JPT1: variants seen among roughly 807,000 people sequenced by gnomAD.
The protein encoded by JPT1 is Jupiter microtubule associated homolog 1, also known as androgen-regulated protein 2.
A neutral mutation model predicts 17.0 loss-of-function variants in JPT1; 5 were observed. That is an observed-to-expected ratio of 0.29 (90% CI 0.15 to 0.62). The LOEUF (loss-of-function observed/expected upper bound fraction) is 0.62. Ranked by LOEUF, JPT1 falls within the 20% of genes least tolerant of loss-of-function variation. The pLI, the probability that JPT1 is intolerant of heterozygous loss-of-function variation, is 0.85. For missense variants in JPT1, 158 were observed against 188.1 expected (o/e 0.84, Z 0.94); for synonymous variants, 71 against 73.6 (o/e 0.96, Z 0.18).
intron 1 of JPT1, among the ~76,000 whole-genome samples, chr17:75,150,757 C>A (rs1209833191): frequency 1.3e-5 from 2 of 151,282 alleles, no homozygotes; most frequent in East Asian, 3.9e-4. Flanking sequence ...GAAAGACTTT[C>A]TAACTACTGA....
chr17:75,142,777 T>A (rs2074351398), intron 4 of JPT1: 1 of 456,128 alleles, frequency 2.2e-6, no homozygotes, highest in African/African-American at 2.0e-5. Context: ...CAGAAGTCTT[T>A]CCAGAACAGT....
Position 75,146,655 on chromosome 17 carries a change from G to A in JPT1, c.316+11C>T. On this transcript the variant is annotated intron_variant, in intron 4 of 4. Transcript: ENST00000409753. ...GACAGAGCCAGAAATTTGGTCTTCA[G>A]AAGTACTTACCATGAATATCACCTT... 6.5e-7 allele frequency: 1 copy of A among 1,536,078 alleles called. No individual in the cohort carries two copies. The highest frequency in any genetic ancestry group is 2.0e-5 in the Admixed American group (1 of 51,126).
intron 1 of JPT1, among the ~76,000 whole-genome samples, chr17:75,150,483 C>T (rs1282351305): frequency 1.3e-5 from 2 of 152,114 alleles, no homozygotes; most frequent in Non-Finnish European, 2.9e-5. Flanking sequence ...GAACTCCTGA[C>T]CTCAGGTGAT....
In JPT1 at chr17:75,136,131, C is replaced by T; in HGVS notation, c.436G>A (p.Gly146Ser). 1 of 1,614,212 alleles carries T rather than the reference C, an allele frequency of 6.2e-7. No individual in the cohort carries two copies. Among genetic ancestry groups the T allele is most frequent in the Non-Finnish European group, 8.5e-7 (1 of 1,180,040 alleles). The change falls in exon 5 of 5, where the codon GGC becomes AGC. Residue 146 changes from glycine to serine, a missense_variant. Physicochemically the swap from Gly to Ser is moderately conservative, Grantham distance 56. Coordinates refer to ENST00000409753, the MANE Select transcript of JPT1 (RefSeq NM_016185.4). ...APVPSRRNPP[G>S]GKSSLVLG ...CCCAAGACGAGGCTGGACTTGCCGC[C>T]AGGGGGATTTCTTCTGGATGGCACT...
At position 75,147,629 on chromosome 17, in the gene JPT1, T is replaced by C. The variant is rs1305800662; in HGVS notation, c.224A>G (p.Glu75Gly). ...SAGAKSSGGR[E>G]DLESSGLQRR... is the part of the protein sequence containing the mutation. ...CTGCAGTCCAGATGACTCCAAGTCT[T>C]CCCTGCCACCACTAGACTTGGCACC... The change falls in exon 3 of 5, where the codon GAA becomes GGA. Residue 75 changes from glutamate to glycine, a missense_variant. Physicochemically the swap from Glu to Gly is moderately conservative, Grantham distance 98. Coordinates refer to ENST00000409753, the MANE Select transcript of JPT1 (RefSeq NM_016185.4). 6.2e-7 allele frequency: 1 copy of C among 1,613,732 alleles called. No individual in the cohort carries two copies. The highest frequency in any genetic ancestry group is 8.5e-7 in the Non-Finnish European group (1 of 1,179,666).
At chr17:75,149,174 G>A in intron 1 of JPT1, 3 of 518,868 alleles carry the variant, frequency 5.8e-6, no homozygotes, top group East Asian at 7.0e-5. Flanking sequence ...AACATGGCAA[G>A]ACCCCGTGTC....
chr17:75,152,666 A>G lies in JPT1; in HGVS notation c.56+1676T>C, dbSNP rs554703045. Among the ~76,000 whole-genome samples the G allele has an allele frequency of 3.3e-5, 5 of 152,276 alleles. No homozygotes were observed. In the East Asian group the frequency reaches 9.6e-4, roughly 29 times the overall value. On this transcript the variant is annotated intron_variant, in intron 1 of 4. Coordinates refer to ENST00000409753, the MANE Select transcript of JPT1 (RefSeq NM_016185.4). ...AATTCTTTACAAAACACTAATATCA[A>G]CTCAACCCCAAAGAATAAAACCCCA...
At chr17:75,147,040 TATGGAAGGAC>T (rs1244093455) in intron 3 of JPT1, among the ~76,000 whole-genome samples, 1 of 152,206 alleles carries the variant, frequency 6.6e-6, no homozygotes, top group African/African-American at 2.4e-5. Context: ...AGATAATAGT[TATGGAAGGAC>T]CCCTATCAGT....
At chr17:75,151,577 G>A (rs927045251) in intron 1 of JPT1, among the ~76,000 whole-genome samples, 2 of 151,860 alleles carry the variant, frequency 1.3e-5, no homozygotes, top group Non-Finnish European at 2.9e-5. Context: ...CAGAAGAATC[G>A]CTTGAACCCG....
chr17:75,152,802 C>G (rs2074574758), intron 1 of JPT1: 1 of 152,192 alleles, frequency 6.6e-6, no homozygotes, highest in Non-Finnish European at 1.5e-5. Context: ...AAGAAATCAT[C>G]TCATTGGAAA....
chr17:75,150,248 T>C (rs890893453), intron 1 of JPT1, among the ~76,000 whole-genome samples: 3 of 152,084 alleles, frequency 2.0e-5, no homozygotes, highest in Admixed American at 2.0e-4. Flanking sequence ...GAAATACTTT[T>C]TTTTCTTTTC....
rs372869153 is a variant in JPT1 at position 75,148,682 on chromosome 17, T to A, written c.57-11A>T. 2.5e-6 allele frequency: 4 copies of A among 1,613,308 alleles called. No individual in the cohort carries two copies. The African/African-American group carries it at 4.0e-5, about 16-fold the overall frequency. On this transcript the variant is annotated splice_polypyrimidine_tract_variant and intron_variant, in intron 1 of 4. Coordinates refer to ENST00000409753, the MANE Select transcript of JPT1 (RefSeq NM_016185.4). The stretch of plus-strand genomic sequence containing the variant: ...GGAGGCCGCAAAACTCTGCAAATAA[T>A]GGCAAAACATCAACTTCAGATCATA...
Position 75,154,491 on chromosome 17 carries a change from C to A in JPT1, c.-94G>T, listed in dbSNP as rs533609584. ...GGAAACTCCACACCCAACAGCCGAC[C>A]ACCGCTGCAGGAGCCGCCGCTGCCG... On this transcript the variant is annotated 5_prime_UTR_variant, in exon 1 of 5. Transcript: ENST00000409753. 3.2e-6 allele frequency: 4 copies of A among 1,230,786 alleles called. No individual in the cohort carries two copies. The Admixed American group carries it at 6.6e-5, about 20-fold the overall frequency. The allele number at this position is 1,230,786 out of a possible 1,614,324, so 76.2% of individuals were successfully genotyped here.
At chr17:75,137,544 T>A (rs1326162117) in intron 4 of JPT1, among the ~76,000 whole-genome samples, 4 of 150,810 alleles carry the variant, frequency 2.7e-5, no homozygotes, top group Admixed American at 1.3e-4. Flanking sequence ...TTTTTTTTTT[T>A]ATTTTTAAAA....
intron 4 of JPT1, among the ~76,000 whole-genome samples, chr17:75,140,885 T>C (rs2074295575): frequency 6.6e-6 from 1 of 151,674 alleles, no homozygotes; most frequent in African/African-American, 2.4e-5. Context: ...AGGTAAGGAG[T>C]TCGAGACCGG....
At chr17:75,143,292 G>A (rs2074363176) in intron 4 of JPT1, among the ~76,000 whole-genome samples, 1 of 152,214 alleles carries the variant, frequency 6.6e-6, no homozygotes, top group Non-Finnish European at 1.5e-5. Flanking sequence ...AGGTGTAGCG[G>A]CTCATGCCTG....
intron 1 of JPT1, 47 bp from the exon 2 acceptor site, chr17:75,148,718 T>C: frequency 1.2e-6 from 2 of 1,605,002 alleles, no homozygotes; most frequent in Non-Finnish European, 1.7e-6. Flanking sequence ...CTGAAACATT[T>C]CTTGGCATAA....
chr17:75,139,903 G>A (rs1020449311), intron 4 of JPT1, among the ~76,000 whole-genome samples: 10 of 152,248 alleles, frequency 6.6e-5, no homozygotes, highest in Admixed American at 3.3e-4. Context: ...AATGAGATAA[G>A]TACAGGAATT....
intron 4 of JPT1, among the ~76,000 whole-genome samples, chr17:75,139,337 G>T (rs1298493020): frequency 6.6e-6 from 1 of 152,104 alleles, no homozygotes; most frequent in African/African-American, 2.4e-5. Flanking sequence ...TTGCAGTCCT[G>T]CCATAGTGGT....
Sources: gnomAD v4.1 joint callset for allele counts (sites outside exome capture counted in the v4.1 genomes callset) on GRCh38, gnomAD v4.1.1 for gene constraint, MANE v1.5 for transcripts, NCBI Gene and HGNC (gene_info 2026-07-23, HGNC 2026-07-21) for gene names.